Variants in AGMO observed in about 807,000 individuals in gnomAD.
AGMO encodes glyceryl-ether monooxygenase.
AGMO carries 75 observed loss-of-function variants against 60.2 expected under a neutral mutation model. That is an observed-to-expected ratio of 1.25 (90% CI 1.03 to 1.51). AGMO has a LOEUF of 1.51. AGMO is among the 40% of genes most tolerant of loss of function. The probability of loss-of-function intolerance (pLI) is 0.00; values close to 1 mark genes in which losing one functional copy is unlikely to be tolerated. For missense variants in AGMO, 763 were observed against 525.5 expected (o/e 1.45, Z -4.42); for synonymous variants, 261 against 177.1 (o/e 1.47, Z -3.76).
intron 8 of AGMO, among the ~76,000 whole-genome samples, chr7:15,388,687 A>G (rs1784021344): frequency 6.6e-6 from 1 of 152,236 alleles, no homozygotes; most frequent in Non-Finnish European, 1.5e-5. Context: ...AAACAAACAA[A>G]ACCCTGTGTC....
chr7:15,248,222 A>ATATATCTATC (rs1554401294), intron 12 of AGMO, among the ~76,000 whole-genome samples: 1 of 104,210 alleles, frequency 9.6e-6, no homozygotes, highest in Non-Finnish European at 2.0e-5. Context: ...ATATATATAT[A>ATATATCTATC]TATCTTCATC....
intron 3 of AGMO, among the ~76,000 whole-genome samples, chr7:15,480,418 A>T (rs1313082239): frequency 6.6e-6 from 1 of 152,166 alleles, no homozygotes; most frequent in African/African-American, 2.4e-5. Context: ...TGCATAGTTG[A>T]TGGGGTAAAG....
chr7:15,343,010 T>C (rs1232737222), intron 12 of AGMO, among the ~76,000 whole-genome samples: 2 of 152,102 alleles, frequency 1.3e-5, no homozygotes, highest in East Asian at 3.9e-4. Context: ...TTTATGAATG[T>C]TTTTTTCTGA....
Position 15,306,738 on chromosome 7 carries a change from C to T in AGMO, c.1263+58776G>A, listed in dbSNP as rs576079578. 1.3e-4 allele frequency among the ~76,000 whole-genome samples: 20 copies of T among 152,028 alleles called. No individual in the cohort carries two copies. In the East Asian group the frequency reaches 1.7e-3, roughly 13 times the overall value. On this transcript the variant is annotated intron_variant, in intron 12 of 12. Coordinates refer to ENST00000342526, the MANE Select transcript of AGMO (RefSeq NM_001004320.2). The stretch of plus-strand genomic sequence containing the variant: ...CCTACTATTTTAGATTGTACTAGTT[C>T]TTATAGGCTGAGGAATATGTCCCTA...
At chr7:15,261,735 A>C (rs1209504946) in intron 12 of AGMO, among the ~76,000 whole-genome samples, 1 of 152,098 alleles carries the variant, frequency 6.6e-6, no homozygotes, top group Non-Finnish European at 1.5e-5. Flanking sequence ...TGATGAACAT[A>C]GACGCAAAAA....
chr7:15,521,831 A>G (rs922796678), intron 3 of AGMO, among the ~76,000 whole-genome samples: 1 of 152,104 alleles, frequency 6.6e-6, no homozygotes, highest in Non-Finnish European at 1.5e-5. Flanking sequence ...CAACATAGAA[A>G]TGGAAGTTCT....
the AGMO span, among the ~76,000 whole-genome samples, chr7:15,190,993 C>G: frequency 5.3e-5 from 8 of 152,124 alleles, no homozygotes; most frequent in Non-Finnish European, 7.4e-5. Context: ...ACAATTCTTA[C>G]CTTAGGTTTC....
At chr7:15,202,457 G>GAAAAAAAAAA (rs1563032651) in intron 12 of AGMO, among the ~76,000 whole-genome samples, 1 of 6,572 alleles carries the variant, frequency 1.5e-4, no homozygotes, top group Non-Finnish European at 2.6e-4. Context: ...ATACAAATGA[G>GAAAAAAAAAA]CAAAAAAAAA....
At chr7:15,253,943 T>C (rs1466892931) in intron 12 of AGMO, among the ~76,000 whole-genome samples, 1 of 152,010 alleles carries the variant, frequency 6.6e-6, no homozygotes, top group Non-Finnish European at 1.5e-5. Context: ...AGTAAGATTG[T>C]GTAGTATTTT....
chr7:15,182,347 T>C, the AGMO span, among the ~76,000 whole-genome samples: 1 of 152,302 alleles, frequency 6.6e-6, no homozygotes, highest in East Asian at 1.9e-4. Context: ...ATGGTTCGAA[T>C]GATAAATTTT....
chr7:15,288,482 G>C (rs1784163990), intron 12 of AGMO, among the ~76,000 whole-genome samples: 1 of 151,834 alleles, frequency 6.6e-6, no homozygotes. Flanking sequence ...TTTATTTTTT[G>C]TTTCCCTTAA....
chr7:15,481,307 G>C (rs1442225557), intron 3 of AGMO, among the ~76,000 whole-genome samples: 3 of 152,076 alleles, frequency 2.0e-5, no homozygotes, highest in African/African-American at 7.2e-5. Context: ...CAGTAGGAAA[G>C]GACTCTGAGA....
intron 12 of AGMO, among the ~76,000 whole-genome samples, chr7:15,363,674 T>C (rs1044715962): frequency 2.0e-4 from 31 of 152,162 alleles, no homozygotes; most frequent in African/African-American, 7.5e-4. Flanking sequence ...AAGCTGGACA[T>C]ACTACATTGC....
At chr7:15,482,277 G>GA (rs1782776171) in intron 3 of AGMO, among the ~76,000 whole-genome samples, 2 of 152,052 alleles carry the variant, frequency 1.3e-5, no homozygotes, top group South Asian at 4.2e-4. Context: ...GGCTGTCTAA[G>GA]AAAATATAAG....
chr7:15,447,311 G>A (rs1583561759), intron 3 of AGMO, among the ~76,000 whole-genome samples: 1 of 152,256 alleles, frequency 6.6e-6, no homozygotes, highest in African/African-American at 2.4e-5. Flanking sequence ...CATTTTAGAA[G>A]TAATTTCTAC....
intron 12 of AGMO, among the ~76,000 whole-genome samples, chr7:15,215,617 T>A (rs1281196128): frequency 6.6e-6 from 1 of 152,100 alleles, no homozygotes; most frequent in South Asian, 2.1e-4. Context: ...TGAATCTAAT[T>A]CCTGCTGATA....
chr7:15,363,837 G>A (rs1265649770), intron 12 of AGMO, among the ~76,000 whole-genome samples: 1 of 151,966 alleles, frequency 6.6e-6, no homozygotes, highest in Non-Finnish European at 1.5e-5. Context: ...AAACCTAAGA[G>A]TACTCTCATT....
At chr7:15,541,112 TG>T (rs1266681944) in intron 3 of AGMO, among the ~76,000 whole-genome samples, 1 of 152,172 alleles carries the variant, frequency 6.6e-6, no homozygotes, top group African/African-American at 2.4e-5. Context: ...TTTGTTTGTT[TG>T]TTTTTTTGTT....
At chr7:15,451,406 C>G (rs1236997687) in intron 3 of AGMO, among the ~76,000 whole-genome samples, 1 of 151,988 alleles carries the variant, frequency 6.6e-6, no homozygotes, top group African/African-American at 2.4e-5. Context: ...GCTGCTATAA[C>G]AAAATACTTT....
Sources: allele counts gnomAD v4.1 joint callset (sites outside exome capture counted in the v4.1 genomes callset), GRCh38; gene constraint gnomAD v4.1.1; transcripts MANE v1.5; gene names NCBI Gene and HGNC (gene_info 2026-07-23, HGNC 2026-07-21).